The following ANAPC7 variants were observed in gnomAD, a reference collection of about 807,000 sequenced individuals.
ANAPC7 encodes the protein anaphase promoting complex subunit 7.
In ANAPC7, 25 loss-of-function variants were observed where a neutral mutation model predicts 63.3. The ratio of observed to expected loss-of-function variants is 0.39; its 90% CI spans 0.29 to 0.55. ANAPC7 has a LOEUF of 0.55. Ranked by LOEUF, ANAPC7 falls within the 20% of genes least tolerant of loss-of-function variation. The pLI is 0.57. For synonymous variants in ANAPC7, 241 were observed against 251.7 expected, an observed-to-expected ratio of 0.96 and a Z score of 0.40; for missense variants, 516 against 691.7, an observed-to-expected ratio of 0.75 and a Z score of 2.85.
intron 1 of ANAPC7, among the ~76,000 whole-genome samples, chr12:110,403,013 A>G (rs1454884814): frequency 6.6e-6 from 1 of 152,144 alleles, no homozygotes; most frequent in Non-Finnish European, 1.5e-5. Flanking sequence ...AAGGGCTCGT[A>G]TTAGAGGCGT....
chr12:110,396,924 C>A (rs1296440742), intron 1 of ANAPC7, among the ~76,000 whole-genome samples: 1 of 150,766 alleles, frequency 6.6e-6, no homozygotes, highest in Admixed American at 6.6e-5. Flanking sequence ...GCTGCACAGG[C>A]TGGGTGCGGT....
chr12:110,382,799 TA>T, intron 7 of ANAPC7, 43 bp downstream of exon 7: 1 of 1,485,524 alleles, frequency 6.7e-7, no homozygotes, highest in Non-Finnish European at 9.3e-7. Flanking sequence ...CATTATCTCT[TA>T]ATCTACTGAC....
Position 110,382,830 on chromosome 12 carries a change from T to C in ANAPC7, c.935+13A>G, listed in dbSNP as rs1290918641. ...ACTGACAACTGGGGAGAAAAGAGAA[T>C]GCATAATCATACCCAGAAACCACCC... On this transcript the variant is annotated intron_variant, in intron 7 of 10. Coordinates refer to ENST00000455511, the MANE Select transcript of ANAPC7 (RefSeq NM_016238.3). 1.1e-5 allele frequency: 17 copies of C among 1,591,338 alleles called. No homozygotes were observed. Among genetic ancestry groups the C allele is most frequent in the Admixed American group, 1.7e-5 (1 of 58,906 alleles).
intron 3 of ANAPC7, among the ~76,000 whole-genome samples, chr12:110,389,737 C>G (rs1882939167): frequency 6.6e-6 from 1 of 151,958 alleles, no homozygotes; most frequent in Admixed American, 6.6e-5. Context: ...TGAGACCATC[C>G]CGGCTAACAC....
intron 3 of ANAPC7, among the ~76,000 whole-genome samples, chr12:110,394,669 C>CAAAAAAAAAAAAAA (rs779142936): frequency 1.4e-4 from 6 of 42,788 alleles, no homozygotes; most frequent in African/African-American, 6.4e-4. Flanking sequence ...AATTCCACCT[C>CAAAAAAAAAAAAAA]AAAAAAAAAA....
intron 2 of ANAPC7, 136 bp downstream of exon 2, chr12:110,396,130 C>T (rs1883554497): frequency 1.4e-6 from 1 of 735,802 alleles, no homozygotes; most frequent in East Asian, 2.7e-5. Context: ...GTAATATTCA[C>T]TAGCCCTCCA....
Position 110,381,939 on chromosome 12 carries a change from G to A in ANAPC7, c.945C>T (p.Ser315=), listed in dbSNP as rs369373794. Residue 315 remains serine (S), a synonymous_variant, in exon 8 of 11, where the codon AGC becomes AGT. Coordinates refer to ENST00000455511, the MANE Select transcript of ANAPC7 (RefSeq NM_016238.3). ...AEPWVVSGCH[S]FYSKRYSRAL... ...CCCGGGAGTAGCGTTTGCTATAGAA[G>A]CTGTGACAGCTGGAGAAAAAAAAAA... The A allele has an allele frequency of 1.4e-4, 144 of 1,050,808 alleles. No homozygotes were observed. The highest frequency in any genetic ancestry group is 1.8e-4 in the Non-Finnish European group (138 of 762,830). The allele number at this position is 1,050,808 out of a possible 1,614,324, so 65.1% of individuals were successfully genotyped here.
chr12:110,383,151 A>T, intron 6 of ANAPC7, 191 bp from the exon 7 acceptor site: 1 of 528,650 alleles, frequency 1.9e-6, no homozygotes, highest in East Asian at 3.0e-5. Flanking sequence ...TAAAATGCAA[A>T]ACCCAGGTTG....
rs532207744 is a variant in ANAPC7, at chr12:110,387,977, T to G, written c.521-85A>C. The G allele has an allele frequency of 3.4e-5, 49 of 1,458,512 alleles. No individual in the cohort carries two copies. The South Asian group carries it at 5.7e-4, about 17-fold the overall frequency. 90.3% of individuals were successfully genotyped at this position (1,458,512 alleles called of 1,614,324 possible). A position where few individuals can be genotyped will look rare whatever the true frequency, so the allele number is the denominator to read the frequency against. On this transcript the variant is annotated intron_variant, in intron 4 of 10. Transcript: ENST00000455511. ...AGGAGCAACGGGCTACATCTTCCCT[T>G]GGCTAAAAGGCAACTGCTTCCCTAT...
chr12:110,396,649 T>C (rs1482951419), intron 1 of ANAPC7, 197 bp from the exon 2 acceptor site: 1 of 424,988 alleles, frequency 2.4e-6, no homozygotes, highest in East Asian at 5.0e-5. Flanking sequence ...TAGCTGAGAT[T>C]ACAGGCACAT....
At chr12:110,386,081 GA>G (rs1361581639) in intron 6 of ANAPC7, among the ~76,000 whole-genome samples, 1 of 151,796 alleles carries the variant, frequency 6.6e-6, no homozygotes, top group Non-Finnish European at 1.5e-5. Context: ...CCCCTCAAAA[GA>G]AAAAAAGCCA....
At chr12:110,395,297 T>C in intron 2 of ANAPC7, 77 bp from the exon 3 acceptor site, 1 of 1,432,288 alleles carries the variant, frequency 7.0e-7, no homozygotes, top group Non-Finnish European at 9.4e-7. Flanking sequence ...AAACATAGAG[T>C]TATCATATGA....
At chr12:110,395,258 C>A in intron 2 of ANAPC7, 38 bp from the exon 3 acceptor site, 1 of 1,586,238 alleles carries the variant, frequency 6.3e-7, no homozygotes, top group South Asian at 1.1e-5. Context: ...AAACGTTATT[C>A]CAACAATATG....
At position 110,391,410 on chromosome 12, in the gene ANAPC7, C is replaced by T. The variant is rs542701118; in HGVS notation, c.409-2787G>A. ...CTTTAAAATGTGAGGGAATATGTGG[C>T]GATGTTTACCATATATTAACAGACA... is the stretch of plus-strand genomic sequence containing the variant. On this transcript the variant is annotated intron_variant, in intron 3 of 10. Transcript: ENST00000455511. Among the ~76,000 whole-genome samples, 16 of 152,220 alleles carry T rather than the reference C, an allele frequency of 1.1e-4. No homozygotes were observed. The South Asian group carries it at 2.9e-3, about 28-fold the overall frequency.
chr12:110,377,873 G>A, intron 8 of ANAPC7: 1 of 1,323,428 alleles, frequency 7.6e-7, no homozygotes, highest in South Asian at 1.6e-5. Context: ...ACAAGCACAT[G>A]TAAGGAACCT....
Position 110,381,954 on chromosome 12 carries a change from G to GGAAAAAAAAA in ANAPC7, c.936-7_936-6insTTTTTTTTTC, listed in dbSNP as rs1566263376. 1.4e-5 allele frequency: 14 copies of GGAAAAAAAAA among 977,136 alleles called. No homozygotes were observed. The highest frequency in any genetic ancestry group is 7.5e-5 in the Admixed American group (2 of 26,758). The allele number at this position is 977,136 out of a possible 1,614,324, so 60.5% of individuals were successfully genotyped here. On this transcript the variant is annotated splice_polypyrimidine_tract_variant and splice_region_variant and intron_variant, in intron 7 of 10. Transcript: ENST00000455511. ...TGCTATAGAAGCTGTGACAGCTGGAGAAAAAAAAAAAAAAAAAAACACAAA... is the reference window on the plus strand; with the variant it reads ...TGCTATAGAAGCTGTGACAGCTGGAGGAAAAAAAAAAAAAAAAAAAAAAAAAAAACACAAA...
chr12:110,393,093 C>T (rs1883244471), intron 3 of ANAPC7, among the ~76,000 whole-genome samples: 1 of 152,104 alleles, frequency 6.6e-6, no homozygotes, highest in Admixed American at 6.6e-5. Flanking sequence ...CCATGCCCAG[C>T]CGACACCAGA....
intron 4 of ANAPC7, among the ~76,000 whole-genome samples, chr12:110,388,161 C>A (rs369274675): frequency 1.5e-4 from 23 of 152,224 alleles, no homozygotes; most frequent in African/African-American, 4.8e-4. Flanking sequence ...CCCAGCCTTC[C>A]GAGAAGCTGG....
chr12:110,382,461 A>AATATATATATATAT (rs66967302), intron 7 of ANAPC7, among the ~76,000 whole-genome samples: 23 of 30,832 alleles, frequency 7.5e-4, no homozygotes, highest in East Asian at 1.4e-3. Flanking sequence ...AAAAAAAAAA[A>AATATATATATATAT]ATATATATAT....
Sources: gnomAD v4.1 joint callset for allele counts (sites outside exome capture counted in the v4.1 genomes callset) on GRCh38, gnomAD v4.1.1 for gene constraint, MANE v1.5 for transcripts, NCBI Gene and HGNC (gene_info 2026-07-23, HGNC 2026-07-21) for gene names.